Variants in CSGALNACT1 observed in about 807,000 individuals in gnomAD.
CSGALNACT1 encodes beta4GalNAcT-1.
A neutral mutation model predicts 51.0 loss-of-function variants in CSGALNACT1; 52 were observed. The ratio of observed to expected loss-of-function variants is 1.02; its 90% CI spans 0.82 to 1.29. The LOEUF is 1.29. Among genes scored for constraint, CSGALNACT1 ranks in the 50% most tolerant of loss-of-function variants. The pLI is 0.00. For missense variants in CSGALNACT1, 935 were observed against 679.2 expected, an observed-to-expected ratio of 1.38 and a Z score of -4.19; for synonymous variants, 341 against 254.4, an observed-to-expected ratio of 1.34 and a Z score of -3.24.
At chr8:19,752,523 TAAGTCA>T (rs1589830590) in intron 1 of CSGALNACT1, among the ~76,000 whole-genome samples, 2 of 152,186 alleles carry the variant, frequency 1.3e-5, no homozygotes, top group Admixed American at 1.3e-4. Context: ...ACACACAGCC[TAAGTCA>T]AAGACCACCA....
chr8:19,521,492 G>C (rs1367031927), intron 3 of CSGALNACT1, among the ~76,000 whole-genome samples: 1 of 152,136 alleles, frequency 6.6e-6, no homozygotes, highest in East Asian at 1.9e-4. Flanking sequence ...AGAACAGCCT[G>C]GCCAACATGG....
At chr8:19,467,373 G>A (rs188197866) in intron 4 of CSGALNACT1, among the ~76,000 whole-genome samples, 41 of 151,860 alleles carry the variant, frequency 2.7e-4, no homozygotes, top group Non-Finnish European at 5.3e-4. Flanking sequence ...CACCTACCTC[G>A]GCCCCCCAAA....
At chr8:19,651,206 C>A (rs1392199149) in intron 1 of CSGALNACT1, among the ~76,000 whole-genome samples, 1 of 152,164 alleles carries the variant, frequency 6.6e-6, no homozygotes, top group Non-Finnish European at 1.5e-5. Flanking sequence ...GTCAATGCCA[C>A]TGCATGGCAA....
At chr8:19,589,022 C>T (rs1303121913) in intron 3 of CSGALNACT1, among the ~76,000 whole-genome samples, 1 of 152,180 alleles carries the variant, frequency 6.6e-6, no homozygotes, top group African/African-American at 2.4e-5. Flanking sequence ...CTTTATGTCA[C>T]AGGACAAGCC....
intron 4 of CSGALNACT1, among the ~76,000 whole-genome samples, chr8:19,469,639 C>T (rs1020835812): frequency 6.6e-6 from 1 of 152,124 alleles, no homozygotes; most frequent in Admixed American, 6.5e-5. Context: ...GGACACTTCC[C>T]CAGGTCTGGC....
intron 1 of CSGALNACT1, among the ~76,000 whole-genome samples, chr8:19,679,079 G>C (rs771950688): frequency 6.6e-6 from 1 of 152,118 alleles, no homozygotes; most frequent in Non-Finnish European, 1.5e-5. Context: ...ATTTCATAAA[G>C]ACTTGAAAAA....
intron 3 of CSGALNACT1, among the ~76,000 whole-genome samples, chr8:19,533,798 C>T (rs2083237564): frequency 2.0e-5 from 3 of 152,128 alleles, no homozygotes; most frequent in South Asian, 2.1e-4. Flanking sequence ...GAGCTTTTTA[C>T]AGTTCTTTTT....
intron 1 of CSGALNACT1, among the ~76,000 whole-genome samples, chr8:19,650,337 T>C (rs985509174): frequency 2.6e-5 from 4 of 152,140 alleles, no homozygotes; most frequent in African/African-American, 9.7e-5. Context: ...CTGTGAGCAG[T>C]GTGAAATAAA....
intron 1 of CSGALNACT1, among the ~76,000 whole-genome samples, chr8:19,674,685 T>C (rs1053852085): frequency 6.6e-6 from 1 of 152,080 alleles, no homozygotes; most frequent in Non-Finnish European, 1.5e-5. Context: ...GAATCTAACT[T>C]ACCTTCTAAC....
chr8:19,469,918 G>T (rs1000827364), intron 4 of CSGALNACT1, among the ~76,000 whole-genome samples: 1 of 152,158 alleles, frequency 6.6e-6, no homozygotes, highest in African/African-American at 2.4e-5. Flanking sequence ...CTTCACAGAA[G>T]GAGAAAGGGA....
At chr8:19,725,425 CT>C (rs749829348) in intron 1 of CSGALNACT1, among the ~76,000 whole-genome samples, 206 of 136,064 alleles carry the variant, frequency 1.5e-3, no homozygotes, top group South Asian at 1.9e-3. Context: ...TTTCTTTTTT[CT>C]TTTTTTTTTT....
chr8:19,442,254 A>T (rs1249047630), intron 5 of CSGALNACT1, among the ~76,000 whole-genome samples: 5 of 152,200 alleles, frequency 3.3e-5, no homozygotes, highest in Non-Finnish European at 7.3e-5. Flanking sequence ...ATGCTGCTAT[A>T]AAGACACATG....
intron 1 of CSGALNACT1, among the ~76,000 whole-genome samples, chr8:19,635,599 G>A (rs188684616): frequency 1.3e-5 from 2 of 152,238 alleles, no homozygotes; most frequent in Admixed American, 6.5e-5. Context: ...ACCATTCACA[G>A]GCATTTCAAG....
chr8:19,603,957 T>C (rs953512155), upstream of CSGALNACT1, among the ~76,000 whole-genome samples: 45 of 152,314 alleles, frequency 3.0e-4, no homozygotes, highest in Middle Eastern at 3.4e-3. Flanking sequence ...GTAACATACA[T>C]CGAGCCCTGG....
upstream of CSGALNACT1, among the ~76,000 whole-genome samples, chr8:19,685,359 G>T (rs1301668994): frequency 6.6e-6 from 1 of 152,154 alleles, no homozygotes; most frequent in African/African-American, 2.4e-5. Flanking sequence ...AATGAGCTGG[G>T]CTTGGTGTCA....
intron 5 of CSGALNACT1, among the ~76,000 whole-genome samples, chr8:19,442,931 G>A (rs1243740877): frequency 6.6e-6 from 1 of 152,144 alleles, no homozygotes. Flanking sequence ...GAAATGGCAA[G>A]GCAGAACAGT....
chr8:19,523,968 T>A (rs150017216), intron 3 of CSGALNACT1, among the ~76,000 whole-genome samples: 1 of 152,128 alleles, frequency 6.6e-6, no homozygotes, highest in Non-Finnish European at 1.5e-5. Context: ...ATGGAAAAAC[T>A]TGGGAGAATA....
rs1554795061 is a variant in CSGALNACT1, at chr8:19,667,040, G to GA, written c.-544+15432dup. ...GAAAGGAAGGAAGGAAGGAAGGAAG[G>GA]AAGAAAGAAAGAAAGAAAGAAAGAA... On this transcript the variant is annotated intron_variant, in intron 1 of 9. Transcript: ENST00000332246. Among the ~76,000 whole-genome samples the GA allele has an allele frequency of 1.7e-3, 59 of 34,926 alleles. 1 individual carries two copies. The highest frequency in any genetic ancestry group is 6.3e-3 in the East Asian group (7 of 1,106). 22.9% of individuals were successfully genotyped at this position (34,926 alleles called of 152,430 possible).
chr8:19,657,154 C>A (rs1475338126), intron 1 of CSGALNACT1, among the ~76,000 whole-genome samples: 2 of 150,592 alleles, frequency 1.3e-5, no homozygotes, highest in African/African-American at 4.9e-5. Flanking sequence ...AAACTAGACA[C>A]AGCTGAAGAG....
Sources: gnomAD v4.1 joint callset for allele counts (sites outside exome capture counted in the v4.1 genomes callset) on GRCh38, gnomAD v4.1.1 for gene constraint, MANE v1.5 for transcripts, NCBI Gene and HGNC (gene_info 2026-07-23, HGNC 2026-07-21) for gene names.